Variants in NEGR1 observed in about 807,000 individuals in gnomAD.
NEGR1 encodes the protein IgLON family member 4.
NEGR1 carries 10 observed loss-of-function variants against 40.9 expected under a neutral mutation model. The ratio of observed to expected loss-of-function variants is 0.24; its 90% CI spans 0.15 to 0.42. NEGR1 has a LOEUF of 0.42. NEGR1 is among the 10% of genes least tolerant of loss of function. NEGR1 has a pLI of 1.00. For synonymous variants in NEGR1, 185 were observed against 166.8 expected (o/e 1.11, Z -0.84); for missense variants, 352 against 438.9 (o/e 0.80, Z 1.77).
At chr1:72,034,296 C>G (rs2100444543) in intron 1 of NEGR1, among the ~76,000 whole-genome samples, 1 of 152,246 alleles carries the variant, frequency 6.6e-6, no homozygotes, top group African/African-American at 2.4e-5. Context: ...TTGGAAAACA[C>G]CAGAAGGGGT....
At chr1:72,221,213 T>C (rs7546840) in intron 1 of NEGR1, among the ~76,000 whole-genome samples, 289 of 152,214 alleles carry the variant, frequency 1.9e-3, no homozygotes, top group Middle Eastern at 0.017. Flanking sequence ...TATATTCCTA[T>C]GTCCAAATTT....
At chr1:71,740,657 C>T (rs1570281247) in intron 3 of NEGR1, among the ~76,000 whole-genome samples, 1 of 152,072 alleles carries the variant, frequency 6.6e-6, no homozygotes, top group South Asian at 2.1e-4. Context: ...AACATTATTT[C>T]TGGCAAATCT....
chr1:71,738,945 A>G (rs1655122620), intron 3 of NEGR1, among the ~76,000 whole-genome samples: 1 of 152,016 alleles, frequency 6.6e-6, no homozygotes, highest in Non-Finnish European at 1.5e-5. Flanking sequence ...AAATTACCAA[A>G]TGTTTATGAC....
At chr1:72,095,841 T>C (rs1280897851) in intron 1 of NEGR1, among the ~76,000 whole-genome samples, 1 of 152,116 alleles carries the variant, frequency 6.6e-6, no homozygotes, top group Non-Finnish European at 1.5e-5. Flanking sequence ...TGAATTATGA[T>C]GAAATTGGAA....
intron 6 of NEGR1, among the ~76,000 whole-genome samples, chr1:71,556,541 A>G (rs1392929418): frequency 6.6e-6 from 1 of 151,600 alleles, no homozygotes; most frequent in Non-Finnish European, 1.5e-5. Flanking sequence ...GGATATACAC[A>G]ACATTCTAAG....
chr1:71,496,715 C>G (rs1646966267), intron 6 of NEGR1, among the ~76,000 whole-genome samples: 1 of 152,034 alleles, frequency 6.6e-6, no homozygotes, highest in South Asian at 2.1e-4. Context: ...TTGATTATCT[C>G]TTGTTCTGCT....
chr1:71,894,253 G>T (rs1401040749), intron 2 of NEGR1, among the ~76,000 whole-genome samples: 4 of 146,992 alleles, frequency 2.7e-5, no homozygotes, highest in African/African-American at 7.6e-5. Flanking sequence ...AAAAAAAAAA[G>T]AATGGAGAAG....
At chr1:72,194,988 G>A (rs1308217130) in intron 1 of NEGR1, among the ~76,000 whole-genome samples, 1 of 151,958 alleles carries the variant, frequency 6.6e-6, no homozygotes, top group Non-Finnish European at 1.5e-5. Flanking sequence ...GTTGTATCTT[G>A]AACATGAAAG....
intron 2 of NEGR1, among the ~76,000 whole-genome samples, chr1:71,781,461 T>G (rs185680544): frequency 8.5e-5 from 13 of 152,280 alleles, no homozygotes; most frequent in Admixed American, 8.5e-4. Flanking sequence ...CTCACTGGAA[T>G]CAATTAAATG....
chr1:72,209,212 G>GA lies in NEGR1; in HGVS notation c.176+73106dup, dbSNP rs562527087. Among the ~76,000 whole-genome samples, 10 of 150,918 alleles carry GA rather than the reference G, an allele frequency of 6.6e-5. No homozygotes were observed. The East Asian group carries it at 1.9e-3, about 29-fold the overall frequency. The stretch of plus-strand genomic sequence containing the variant: ...GACAATGTACAAAAATTGTGAATTA[G>GA]AAAAATAGTATATGATCTCATTTAT... On this transcript the variant is annotated intron_variant, in intron 1 of 6. Coordinates refer to ENST00000357731, the MANE Select transcript of NEGR1 (RefSeq NM_173808.3).
intron 2 of NEGR1, 62 bp from the exon 3 acceptor site, chr1:71,776,359 T>C (rs1296616819): frequency 2.0e-6 from 2 of 987,146 alleles, no homozygotes; most frequent in South Asian, 3.9e-5. Flanking sequence ...GAAGTACGTA[T>C]GATTAATTCC....
intron 6 of NEGR1, among the ~76,000 whole-genome samples, chr1:71,447,278 C>G (rs567179612): frequency 6.6e-6 from 1 of 152,128 alleles, no homozygotes; most frequent in African/African-American, 2.4e-5. Flanking sequence ...TCCAAGAAAC[C>G]GGTTCCTGGT....
chr1:71,707,297 G>T (rs972024016), intron 3 of NEGR1, among the ~76,000 whole-genome samples: 1 of 152,124 alleles, frequency 6.6e-6, no homozygotes, highest in African/African-American at 2.4e-5. Flanking sequence ...TCCAGGTCAG[G>T]CAGCATTCAC....
At chr1:72,066,909 C>A (rs540133882) in intron 1 of NEGR1, among the ~76,000 whole-genome samples, 3 of 152,226 alleles carry the variant, frequency 2.0e-5, no homozygotes, top group African/African-American at 4.8e-5. Context: ...AAAAGCCAGA[C>A]AGAATGCTAA....
intron 6 of NEGR1, among the ~76,000 whole-genome samples, chr1:71,418,325 A>AT (rs1186985713): frequency 3.3e-5 from 5 of 150,864 alleles, no homozygotes; most frequent in African/African-American, 1.2e-4. Context: ...TTATATATAT[A>AT]TTTTTTGAGA....
chr1:71,733,523 C>G (rs553822608), intron 3 of NEGR1, among the ~76,000 whole-genome samples: 1 of 152,200 alleles, frequency 6.6e-6, no homozygotes, highest in African/African-American at 2.4e-5. Flanking sequence ...TGTCACTTGC[C>G]CAGATTGAGT....
intron 1 of NEGR1, among the ~76,000 whole-genome samples, chr1:72,039,765 G>A (rs141690594): frequency 6.6e-6 from 1 of 152,002 alleles, no homozygotes; most frequent in African/African-American, 2.4e-5. Flanking sequence ...AATACCAATA[G>A]CATGCCAAGA....
At chr1:71,960,517 T>G (rs1232089137) in intron 1 of NEGR1, among the ~76,000 whole-genome samples, 3 of 152,238 alleles carry the variant, frequency 2.0e-5, no homozygotes, top group Non-Finnish European at 4.4e-5. Flanking sequence ...TAGAAAATTA[T>G]CATAGCATAA....
intron 3 of NEGR1, among the ~76,000 whole-genome samples, chr1:71,747,565 C>T (rs1655428574): frequency 6.6e-6 from 1 of 151,938 alleles, no homozygotes; most frequent in Non-Finnish European, 1.5e-5. Flanking sequence ...GTTGGGACTA[C>T]AGGCATGGGC....
Sources: gnomAD v4.1 joint callset for allele counts (sites outside exome capture counted in the v4.1 genomes callset) on GRCh38, gnomAD v4.1.1 for gene constraint, MANE v1.5 for transcripts, NCBI Gene and HGNC (gene_info 2026-07-23, HGNC 2026-07-21) for gene names.